PDE1A: variants seen among roughly 807,000 people sequenced by gnomAD.
PDE1A encodes phosphodiesterase 1A.
A neutral mutation model predicts 61.7 loss-of-function variants in PDE1A; 35 were observed. The ratio of observed to expected loss-of-function variants is 0.57; its 90% CI spans 0.43 to 0.75. PDE1A has a LOEUF of 0.75. PDE1A is among the 30% of genes least tolerant of loss of function. PDE1A has a pLI of 0.00. For missense variants in PDE1A, 597 were observed against 630.6 expected, an observed-to-expected ratio of 0.95 and a Z score of 0.57; for synonymous variants, 232 against 213.2, an observed-to-expected ratio of 1.09 and a Z score of -0.77.
chr2:182,670,399 T>A, the PDE1A span, among the ~76,000 whole-genome samples: 1 of 152,176 alleles, frequency 6.6e-6, no homozygotes, highest in African/African-American at 2.4e-5. Flanking sequence ...AATCAGAATA[T>A]CTCAGAGTGA....
chr2:182,598,562 CA>C, the PDE1A span, among the ~76,000 whole-genome samples: 700 of 129,418 alleles, frequency 5.4e-3, 1 homozygote, highest in Non-Finnish European at 8.1e-3. Flanking sequence ...AACTCTGTCT[CA>C]AAAAAAAAAA....
intron 2 of PDE1A, among the ~76,000 whole-genome samples, chr2:182,485,060 G>T (rs1180251329): frequency 1.3e-5 from 2 of 151,942 alleles, no homozygotes; most frequent in Non-Finnish European, 2.9e-5. Flanking sequence ...AAAGACACTG[G>T]CAAGCAAATG....
intron 2 of PDE1A, among the ~76,000 whole-genome samples, chr2:182,473,771 A>G (rs1323149025): frequency 1.3e-5 from 2 of 151,972 alleles, no homozygotes; most frequent in Non-Finnish European, 2.9e-5. Flanking sequence ...TTAGTTTGCT[A>G]AGATAATGGC....
intron 2 of PDE1A, among the ~76,000 whole-genome samples, chr2:182,440,559 A>G (rs1684723049): frequency 1.3e-5 from 2 of 151,968 alleles, no homozygotes; most frequent in East Asian, 3.9e-4. Context: ...AGAAATAATA[A>G]ATGCTTGACA....
At chr2:182,693,701 C>T in the PDE1A span, among the ~76,000 whole-genome samples, 1 of 146,258 alleles carries the variant, frequency 6.8e-6, no homozygotes, top group Non-Finnish European at 1.5e-5. Context: ...GGTTGGAGTG[C>T]AATGGCGCAA....
At chr2:182,481,356 C>T (rs1251675403) in intron 2 of PDE1A, among the ~76,000 whole-genome samples, 1 of 151,818 alleles carries the variant, frequency 6.6e-6, no homozygotes, top group Admixed American at 6.6e-5. Context: ...TGTCATGGAA[C>T]CTGTGCTTGA....
intron 1 of PDE1A, among the ~76,000 whole-genome samples, chr2:182,402,201 C>T (rs1702042177): frequency 1.3e-5 from 2 of 152,166 alleles, no homozygotes; most frequent in East Asian, 3.9e-4. Flanking sequence ...ACCCAAAAAA[C>T]AGCCCGCATA....
intron 13 of PDE1A, among the ~76,000 whole-genome samples, chr2:182,180,838 T>A (rs970370454): frequency 6.6e-6 from 1 of 151,814 alleles, no homozygotes; most frequent in Non-Finnish European, 1.5e-5. Flanking sequence ...AGCAAGATGG[T>A]CTTCAAATTC....
At chr2:182,526,169 G>C (rs1186977020), upstream of PDE1A, among the ~76,000 whole-genome samples, 1 of 152,052 alleles carries the variant, frequency 6.6e-6, no homozygotes, top group Non-Finnish European at 1.5e-5. Context: ...AAATAATTTA[G>C]AAAATATCTT....
At chr2:182,472,323 G>A (rs563890260) in intron 2 of PDE1A, among the ~76,000 whole-genome samples, 10 of 151,904 alleles carry the variant, frequency 6.6e-5, no homozygotes, top group African/African-American at 2.4e-4. Context: ...GCCATCAATG[G>A]ATAACTGGAT....
At chr2:182,204,117 T>G (rs17366503) in intron 8 of PDE1A, among the ~76,000 whole-genome samples, 45,386 of 143,010 alleles carry the variant, frequency 0.32, 7,075 homozygotes, top group Non-Finnish European at 0.35. Context: ...GAGGAAAAAA[T>G]GTTTATTTCT....
exon 14 of PDE1A, chr2:182,167,914 A>G: frequency 9.1e-7 from 1 of 1,095,180 alleles, no homozygotes; most frequent in Non-Finnish European, 1.1e-6. Context: ...GCTTTATTGT[A>G]GAAATGACAA....
upstream of PDE1A, among the ~76,000 whole-genome samples, chr2:182,527,407 A>C (rs369075697): frequency 2.3e-5 from 3 of 132,164 alleles, no homozygotes; most frequent in Non-Finnish European, 3.1e-5. Context: ...TATATACACA[A>C]AAAAGCCAGG....
the PDE1A span, among the ~76,000 whole-genome samples, chr2:182,640,120 C>A: frequency 6.6e-6 from 1 of 152,260 alleles, no homozygotes; most frequent in East Asian, 1.9e-4. Context: ...TTCACAAAAA[C>A]CAAAGCATGG....
chr2:182,564,019 CTG>C, the PDE1A span, among the ~76,000 whole-genome samples: 2 of 152,152 alleles, frequency 1.3e-5, no homozygotes, highest in Non-Finnish European at 2.9e-5. Context: ...ATTTGCCAGT[CTG>C]TGTCTTTTCA....
At chr2:182,313,163 C>G (rs1191869359) in intron 1 of PDE1A, among the ~76,000 whole-genome samples, 1 of 152,140 alleles carries the variant, frequency 6.6e-6, no homozygotes, top group African/African-American at 2.4e-5. Flanking sequence ...CCTGTAATCC[C>G]AGCACTTTGG....
chr2:182,472,746 C>G (rs1687109026), intron 2 of PDE1A, among the ~76,000 whole-genome samples: 1 of 149,012 alleles, frequency 6.7e-6, no homozygotes, highest in African/African-American at 2.4e-5. Flanking sequence ...AACTCTAGCT[C>G]AACTGCTATT....
chr2:182,558,596 A>G, the PDE1A span, among the ~76,000 whole-genome samples: 2 of 152,220 alleles, frequency 1.3e-5, no homozygotes, highest in Non-Finnish European at 2.9e-5. Context: ...TTCAACAAAT[A>G]TATAGTCAAC....
At chr2:182,228,384 G>C (rs1216662345) in intron 6 of PDE1A, among the ~76,000 whole-genome samples, 6 of 152,088 alleles carry the variant, frequency 3.9e-5, no homozygotes, top group Non-Finnish European at 8.8e-5. Flanking sequence ...TGCTACTAGA[G>C]TGCTTCATAA....
Sources: allele counts gnomAD v4.1 joint callset (sites outside exome capture counted in the v4.1 genomes callset), GRCh38; gene constraint gnomAD v4.1.1; transcripts MANE v1.5; gene names NCBI Gene and HGNC (gene_info 2026-07-23, HGNC 2026-07-21).